Variants in FBXL17 observed in about 807,000 individuals in gnomAD.
FBXL17 encodes F-box/LRR-repeat protein 17.
FBXL17 carries 22 observed loss-of-function variants against 66.2 expected under a neutral mutation model. The ratio of observed to expected loss-of-function variants is 0.33; its 90% CI spans 0.24 to 0.47. The LOEUF (loss-of-function observed/expected upper bound fraction) is 0.47, where lower values mean the gene tolerates loss of function less well. Among genes scored for constraint, FBXL17 ranks in the 20% least tolerant of loss-of-function variants. The pLI is 1.00. For missense variants in FBXL17, 878 were observed against 948.2 expected (o/e 0.93, Z 0.97); for synonymous variants, 474 against 400.5 (o/e 1.18, Z -2.19).
intron 6 of FBXL17, among the ~76,000 whole-genome samples, chr5:108,056,713 T>C (rs1475059245): frequency 6.6e-6 from 1 of 152,224 alleles, no homozygotes; most frequent in Non-Finnish European, 1.5e-5. Context: ...GAGCACTCTC[T>C]GCCGTCATTA....
rs1748089427 is a variant in FBXL17, at chr5:107,860,406, G to T, written c.*1314C>A. On this transcript the variant is annotated 3_prime_UTR_variant, in exon 9 of 9. Transcript: ENST00000542267. ...GTCCTCATTATAAATCTAGACACAG[G>T]AACAGTTATTTGAGCCTGAGTCCCT... 6.6e-6 allele frequency: 1 copy of T among 152,566 alleles called. No homozygotes were observed. The highest frequency in any genetic ancestry group is 1.5e-5 in the Non-Finnish European group (1 of 68,014). The allele number at this position is 152,566 out of a possible 1,614,324, so 9.5% of individuals were successfully genotyped here.
At chr5:108,123,104 T>C (rs1750567266) in intron 6 of FBXL17, among the ~76,000 whole-genome samples, 1 of 151,126 alleles carries the variant, frequency 6.6e-6, no homozygotes, top group Non-Finnish European at 1.5e-5. Flanking sequence ...GAAAAGTTTT[T>C]CTTTTTCTTG....
At chr5:108,242,128 T>C (rs537117454) in intron 4 of FBXL17, among the ~76,000 whole-genome samples, 1 of 152,322 alleles carries the variant, frequency 6.6e-6, no homozygotes, top group African/African-American at 2.4e-5. Context: ...CAGAATATTA[T>C]AATACTGTAA....
chr5:108,281,661 A>T (rs994954579), intron 4 of FBXL17, among the ~76,000 whole-genome samples: 2 of 151,880 alleles, frequency 1.3e-5, no homozygotes, highest in Non-Finnish European at 1.5e-5. Context: ...CCAAATTAGC[A>T]GAAGAAACAA....
chr5:108,304,504 A>G (rs1212221836), intron 4 of FBXL17, among the ~76,000 whole-genome samples: 1 of 152,012 alleles, frequency 6.6e-6, no homozygotes, highest in Non-Finnish European at 1.5e-5. Flanking sequence ...AAATGAAACT[A>G]AGATTAGTAA....
chr5:107,911,897 C>T (rs1042175525), intron 7 of FBXL17, among the ~76,000 whole-genome samples: 4 of 151,674 alleles, frequency 2.6e-5, no homozygotes, highest in Admixed American at 6.6e-5. Flanking sequence ...GAAATAAAAC[C>T]GGCCAATAAA....
At chr5:107,871,056 G>GAAAAAAAAAAAAAA (rs1748431536) in intron 8 of FBXL17, among the ~76,000 whole-genome samples, 1 of 10,860 alleles carries the variant, frequency 9.2e-5, no homozygotes, top group Non-Finnish European at 1.6e-4. Context: ...CTCTTGGGCG[G>GAAAAAAAAAAAAAA]CAAAAAAAAA....
intron 6 of FBXL17, among the ~76,000 whole-genome samples, chr5:108,057,335 T>C (rs1243531325): frequency 1.3e-5 from 2 of 152,208 alleles, no homozygotes; most frequent in Non-Finnish European, 2.9e-5. Context: ...ATAGATTTAA[T>C]GACATATCTT....
At chr5:108,039,059 C>T (rs1178800446) in intron 6 of FBXL17, among the ~76,000 whole-genome samples, 1 of 152,038 alleles carries the variant, frequency 6.6e-6, no homozygotes, top group Non-Finnish European at 1.5e-5. Context: ...CAATCTTCCT[C>T]TTGCTTTACC....
chr5:107,955,370 A>T (rs1332916024), intron 7 of FBXL17, among the ~76,000 whole-genome samples: 2 of 152,138 alleles, frequency 1.3e-5, no homozygotes, highest in Non-Finnish European at 2.9e-5. Flanking sequence ...ACTAAGAAAG[A>T]TTACTTTTTA....
At chr5:108,365,265 A>C (rs1020783224) in intron 2 of FBXL17, among the ~76,000 whole-genome samples, 1 of 152,082 alleles carries the variant, frequency 6.6e-6, no homozygotes, top group Non-Finnish European at 1.5e-5. Context: ...GTTATTCATA[A>C]CAAGCCCTTT....
intron 4 of FBXL17, among the ~76,000 whole-genome samples, chr5:108,336,516 A>G (rs1282196427): frequency 3.9e-5 from 6 of 152,178 alleles, no homozygotes; most frequent in African/African-American, 7.2e-5. Context: ...AGGATGAAAT[A>G]CTGAAACAAA....
intron 4 of FBXL17, among the ~76,000 whole-genome samples, chr5:108,243,062 C>A (rs1458567799): frequency 1.3e-5 from 2 of 152,002 alleles, no homozygotes; most frequent in Non-Finnish European, 2.9e-5. Flanking sequence ...TTTGAACTTC[C>A]CTGATTTTTG....
At chr5:107,884,028 A>G (rs1748881566) in intron 7 of FBXL17, among the ~76,000 whole-genome samples, 1 of 152,212 alleles carries the variant, frequency 6.6e-6, no homozygotes, top group Non-Finnish European at 1.5e-5. Flanking sequence ...AGAAAGTGGG[A>G]AGACTCATTT....
chr5:108,335,851 C>G (rs916164713), intron 4 of FBXL17, among the ~76,000 whole-genome samples: 5 of 151,924 alleles, frequency 3.3e-5, no homozygotes, highest in African/African-American at 1.2e-4. Context: ...TTCTTATATA[C>G]TTGGACTAAC....
intron 6 of FBXL17, among the ~76,000 whole-genome samples, chr5:108,067,276 T>TTTG (rs1748151807): frequency 6.6e-6 from 1 of 152,160 alleles, no homozygotes; most frequent in Non-Finnish European, 1.5e-5. Flanking sequence ...ACTTCGTATT[T>TTTG]TTGTTGTTGT....
At chr5:108,072,856 TATGAA>T (rs1748394611) in intron 6 of FBXL17, among the ~76,000 whole-genome samples, 1 of 152,238 alleles carries the variant, frequency 6.6e-6, no homozygotes, top group African/African-American at 2.4e-5. Flanking sequence ...CCTTCTCTGA[TATGAA>T]ATATGTTGTT....
intron 6 of FBXL17, among the ~76,000 whole-genome samples, chr5:108,119,675 A>G (rs1036065956): frequency 1.3e-5 from 2 of 152,228 alleles, no homozygotes; most frequent in Non-Finnish European, 2.9e-5. Context: ...CTGTATAGTA[A>G]CTTGTTACTT....
At chr5:108,223,424 A>T (rs1421780048) in intron 5 of FBXL17, among the ~76,000 whole-genome samples, 2 of 152,214 alleles carry the variant, frequency 1.3e-5, no homozygotes, top group Non-Finnish European at 2.9e-5. Flanking sequence ...TCATTTTCCT[A>T]AGTACTATAG....
Sources: gnomAD v4.1 joint callset for allele counts (sites outside exome capture counted in the v4.1 genomes callset) on GRCh38, gnomAD v4.1.1 for gene constraint, MANE v1.5 for transcripts, NCBI Gene and HGNC (gene_info 2026-07-23, HGNC 2026-07-21) for gene names.